Variants in CCDC148 observed in about 807,000 individuals in gnomAD.
The protein encoded by CCDC148 is coiled-coil domain containing 148.
Under a neutral mutation model 85.7 loss-of-function variants are expected in CCDC148, and 89 were observed. That is an observed-to-expected ratio of 1.04 (90% CI 0.87 to 1.24). The LOEUF is 1.24. Ranked by LOEUF, CCDC148 falls within the 50% of genes most tolerant of loss-of-function variation. The pLI is 0.00. For missense variants in CCDC148, 692 were observed against 671.7 expected, an observed-to-expected ratio of 1.03 and a Z score of -0.33; for synonymous variants, 230 against 213.9, an observed-to-expected ratio of 1.08 and a Z score of -0.66.
chr2:158,320,380 T>C (rs1489053504), intron 7 of CCDC148, among the ~76,000 whole-genome samples: 1 of 152,150 alleles, frequency 6.6e-6, no homozygotes, highest in Non-Finnish European at 1.5e-5. Flanking sequence ...CTGGGAATGG[T>C]GTAGTTATTC....
At chr2:158,266,285 T>A (rs2105157645) in intron 9 of CCDC148, among the ~76,000 whole-genome samples, 1 of 152,188 alleles carries the variant, frequency 6.6e-6, no homozygotes, top group East Asian at 1.9e-4. Context: ...AAGAGGCACA[T>A]GCTCCGTCTC....
intron 7 of CCDC148, among the ~76,000 whole-genome samples, chr2:158,330,949 T>C (rs1315872305): frequency 2.0e-5 from 3 of 152,186 alleles, no homozygotes; most frequent in Non-Finnish European, 4.4e-5. Flanking sequence ...GTTGATCTTT[T>C]CAAAAAACAA....
chr2:158,284,207 AT>A (rs928570750), intron 9 of CCDC148, among the ~76,000 whole-genome samples: 35 of 152,052 alleles, frequency 2.3e-4, no homozygotes, highest in African/African-American at 8.2e-4. Flanking sequence ...GCGCACCAGC[AT>A]GTCACATGTA....
intron 9 of CCDC148, among the ~76,000 whole-genome samples, chr2:158,277,687 C>T (rs1349942275): frequency 1.3e-5 from 2 of 152,158 alleles, no homozygotes; most frequent in East Asian, 1.9e-4. Flanking sequence ...AGCTCCACCT[C>T]CCAGGTTCAC....
intron 11 of CCDC148, among the ~76,000 whole-genome samples, chr2:158,206,924 G>A (rs758733535): frequency 3.7e-4 from 57 of 152,148 alleles, no homozygotes; most frequent in Non-Finnish European, 7.2e-4. Flanking sequence ...CAGGAGATAC[G>A]GACTGCTCAA....
At chr2:158,279,625 G>C (rs1452409425) in intron 9 of CCDC148, among the ~76,000 whole-genome samples, 1 of 152,216 alleles carries the variant, frequency 6.6e-6, no homozygotes, top group African/African-American at 2.4e-5. Context: ...ATGGGACTAT[G>C]TGAAAAGACC....
intron 7 of CCDC148, 66 bp downstream of exon 7, chr2:158,338,660 T>C: frequency 8.5e-7 from 1 of 1,171,358 alleles, no homozygotes; most frequent in East Asian, 2.4e-5. Context: ...GGAAGTATAG[T>C]GATCCCAAAC....
chr2:158,202,621 A>G (rs369012218), intron 11 of CCDC148, among the ~76,000 whole-genome samples: 10 of 152,260 alleles, frequency 6.6e-5, no homozygotes, highest in African/African-American at 2.4e-4. Context: ...CATCTATTCA[A>G]CTCTGTCACT....
chr2:158,212,839 CTA>C (rs1202326214), intron 11 of CCDC148, among the ~76,000 whole-genome samples: 2 of 152,022 alleles, frequency 1.3e-5, no homozygotes, highest in Non-Finnish European at 2.9e-5. Flanking sequence ...TAAGTTTCAC[CTA>C]TATGACCTCT....
At chr2:158,401,045 G>A (rs1685758113) in intron 1 of CCDC148, among the ~76,000 whole-genome samples, 1 of 152,086 alleles carries the variant, frequency 6.6e-6, no homozygotes, top group South Asian at 2.1e-4. Flanking sequence ...AAAAAGTCAG[G>A]AAACCACATA....
At chr2:158,324,599 C>A (rs1330107015) in intron 7 of CCDC148, among the ~76,000 whole-genome samples, 1 of 152,052 alleles carries the variant, frequency 6.6e-6, no homozygotes, top group African/African-American at 2.4e-5. Flanking sequence ...AAGATCATAT[C>A]TAAAGAGACA....
At chr2:158,269,752 T>TC (rs374041392) in intron 9 of CCDC148, among the ~76,000 whole-genome samples, 73 of 152,290 alleles carry the variant, frequency 4.8e-4, no homozygotes, top group African/African-American at 1.7e-3. Context: ...TGGCTTTTCC[T>TC]CCTTCCTTGT....
chr2:158,413,366 C>T (rs1443747022), intron 1 of CCDC148, among the ~76,000 whole-genome samples: 1 of 152,042 alleles, frequency 6.6e-6, no homozygotes, highest in Non-Finnish European at 1.5e-5. Flanking sequence ...CTAGTTTACT[C>T]TACAGTGCCA....
At chr2:158,354,001 C>G (rs898536577) in intron 2 of CCDC148, among the ~76,000 whole-genome samples, 1 of 152,100 alleles carries the variant, frequency 6.6e-6, no homozygotes, top group African/African-American at 2.4e-5. Context: ...GAAATGAAGA[C>G]AGAAATAAAG....
intron 11 of CCDC148, among the ~76,000 whole-genome samples, chr2:158,183,211 T>C (rs569790108): frequency 2.0e-5 from 3 of 152,292 alleles, no homozygotes; most frequent in African/African-American, 7.2e-5. Context: ...AACAATAATC[T>C]GGAAAGGATT....
At chr2:158,232,585 T>C (rs894954570) in intron 10 of CCDC148, among the ~76,000 whole-genome samples, 1 of 152,174 alleles carries the variant, frequency 6.6e-6, no homozygotes, top group African/African-American at 2.4e-5. Flanking sequence ...AAATAGTTTG[T>C]CTCTTATTTC....
intron 9 of CCDC148, among the ~76,000 whole-genome samples, chr2:158,296,489 T>C (rs1242932566): frequency 6.6e-6 from 1 of 152,212 alleles, no homozygotes; most frequent in Non-Finnish European, 1.5e-5. Flanking sequence ...ATATTGGCTT[T>C]CCAACTCCAA....
chr2:158,448,640 G>A (rs918213547), intron 1 of CCDC148, among the ~76,000 whole-genome samples: 3 of 151,880 alleles, frequency 2.0e-5, no homozygotes, highest in African/African-American at 7.3e-5. Flanking sequence ...CACTGCACCC[G>A]GCCTGTATTT....
chr2:158,297,577 C>A (rs1358867007), intron 9 of CCDC148, among the ~76,000 whole-genome samples: 1 of 152,104 alleles, frequency 6.6e-6, no homozygotes. Context: ...CATAGCAGGA[C>A]CCAGACACCC....
Sources: allele counts gnomAD v4.1 joint callset (sites outside exome capture counted in the v4.1 genomes callset), GRCh38; gene constraint gnomAD v4.1.1; transcripts MANE v1.5; gene names NCBI Gene and HGNC (gene_info 2026-07-23, HGNC 2026-07-21).